Variants in HDAC9 observed in about 807,000 individuals in gnomAD.
The protein encoded by HDAC9 is histone deacetylase 9, also known as MEF-2 interacting transcription repressor (MITR) protein.
HDAC9 carries 41 observed loss-of-function variants against 139.4 expected under a neutral mutation model. The observed-to-expected ratio is 0.29, with a 90% CI of 0.23 to 0.38. The LOEUF is 0.38. Among genes scored for constraint, HDAC9 ranks in the 10% least tolerant of loss-of-function variants. HDAC9 has a pLI of 1.00. For synonymous variants in HDAC9, 517 were observed against 476.2 expected (o/e 1.09, Z -1.12); for missense variants, 1,147 against 1,297.0 (o/e 0.88, Z 1.78).
chr7:18,163,328 G>A (rs1489756939), intron 2 of HDAC9, among the ~76,000 whole-genome samples: 1 of 152,152 alleles, frequency 6.6e-6, no homozygotes, highest in Non-Finnish European at 1.5e-5. Flanking sequence ...TCACAACCAT[G>A]TTTGATAATT....
At chr7:18,163,759 A>G (rs543815807) in intron 2 of HDAC9, among the ~76,000 whole-genome samples, 11 of 152,334 alleles carry the variant, frequency 7.2e-5, no homozygotes, top group South Asian at 2.1e-4. Context: ...ATTGCATTTT[A>G]AATATTATGT....
At chr7:18,388,917 T>G (rs1179625417) in intron 1 of HDAC9, among the ~76,000 whole-genome samples, 1 of 152,216 alleles carries the variant, frequency 6.6e-6, no homozygotes, top group African/African-American at 2.4e-5. Context: ...CTCTCATTCC[T>G]TTTCATTTCT....
intron 2 of HDAC9, chr7:18,496,762 A>G (rs1046833469): frequency 2.6e-5 from 4 of 156,044 alleles, no homozygotes; most frequent in African/African-American, 9.6e-5. Context: ...ACAGAAGCAC[A>G]TCTATTTATA....
intron 2 of HDAC9, among the ~76,000 whole-genome samples, chr7:18,176,163 C>G (rs763653313): frequency 6.6e-6 from 1 of 152,094 alleles, no homozygotes; most frequent in African/African-American, 2.4e-5. Context: ...GTTTTGGACT[C>G]TCTAGGAATG....
chr7:18,400,763 A>G lies in HDAC9; in HGVS notation c.-41-95499A>G, dbSNP rs17139170. ...GGAACAAGAAAGTAGATGTACGATG[A>G]AAGCCATGAATCCTGAGGCCCAGAA... On this transcript the variant is annotated intron_variant, in intron 1 of 3. Transcript: ENST00000413509. Among the ~76,000 whole-genome samples, 257 of 152,330 alleles carry G rather than the reference A, an allele frequency of 1.7e-3. 2 individuals carry two copies. The highest frequency in any genetic ancestry group is 5.8e-3 in the African/African-American group (243 of 41,576).
intron 11 of HDAC9, among the ~76,000 whole-genome samples, chr7:18,649,705 C>T (rs1278960226): frequency 1.3e-5 from 2 of 152,248 alleles, no homozygotes; most frequent in East Asian, 1.9e-4. Context: ...GGATCTTCAT[C>T]ACTTGCTGGT....
chr7:18,202,265 C>A (rs550518416), intron 2 of HDAC9, among the ~76,000 whole-genome samples: 1 of 152,114 alleles, frequency 6.6e-6, no homozygotes, highest in African/African-American at 2.4e-5. Context: ...TTCACTATTT[C>A]ATTTTGTTCC....
intron 13 of HDAC9, among the ~76,000 whole-genome samples, chr7:18,740,083 G>A (rs184775625): frequency 1.0e-3 from 158 of 152,348 alleles, no homozygotes; most frequent in African/African-American, 3.2e-3. Context: ...AGCCAGGCAC[G>A]GAAGAGAATC....
chr7:18,698,316 G>A lies in HDAC9; in HGVS notation c.1732-29264G>A, dbSNP rs764511464. On this transcript the variant is annotated intron_variant, in intron 12 of 25. Coordinates refer to ENST00000686413, the MANE Select transcript of HDAC9 (RefSeq NM_178425.4). Reference sequence around the variant, plus strand: ...AAATTAAATTACGCCATTTTTATCCGTTTGAGATCAGTTCTGTTTCCTCCT... The same window carrying A: ...AAATTAAATTACGCCATTTTTATCCATTTGAGATCAGTTCTGTTTCCTCCT... Among the ~76,000 whole-genome samples the A allele has an allele frequency of 3.3e-5, 5 of 152,088 alleles. No homozygotes were observed. In the East Asian group the frequency reaches 5.8e-4, roughly 18 times the overall value.
chr7:18,601,000 TG>T (rs1211525212), intron 6 of HDAC9, among the ~76,000 whole-genome samples: 5 of 152,104 alleles, frequency 3.3e-5, no homozygotes, highest in African/African-American at 1.2e-4. Flanking sequence ...GATGGAGTTT[TG>T]CTATGTTGAC....
intron 23 of HDAC9, among the ~76,000 whole-genome samples, chr7:18,947,547 A>C (rs7807182): frequency 6.6e-6 from 1 of 151,880 alleles, no homozygotes; most frequent in African/African-American, 2.4e-5. Context: ...ACCTTGCAAG[A>C]CTGAATAAAA....
At chr7:18,502,100 C>T (rs1798547017) in intron 2 of HDAC9, among the ~76,000 whole-genome samples, 1 of 152,148 alleles carries the variant, frequency 6.6e-6, no homozygotes, top group Non-Finnish European at 1.5e-5. Flanking sequence ...CAGTTCCAAG[C>T]ATTATGTATG....
chr7:18,671,229 A>G (rs1176735413), intron 12 of HDAC9, among the ~76,000 whole-genome samples: 1 of 152,016 alleles, frequency 6.6e-6, no homozygotes, highest in Non-Finnish European at 1.5e-5. Flanking sequence ...GGAAGGGAAA[A>G]ATAGAGACAG....
intron 22 of HDAC9, among the ~76,000 whole-genome samples, chr7:18,934,001 G>A (rs1469890125): frequency 2.6e-5 from 4 of 151,948 alleles, no homozygotes; most frequent in African/African-American, 9.7e-5. Flanking sequence ...AAATATGAAA[G>A]AGAACTTAGA....
intron 6 of HDAC9, among the ~76,000 whole-genome samples, chr7:18,600,292 T>C (rs1369167538): frequency 2.0e-5 from 3 of 152,204 alleles, no homozygotes; most frequent in African/African-American, 7.2e-5. Context: ...GAACAGAAGA[T>C]TCTAATTTTA....
intron 12 of HDAC9, among the ~76,000 whole-genome samples, chr7:18,707,682 G>A (rs983021066): frequency 6.6e-6 from 1 of 152,094 alleles, no homozygotes; most frequent in African/African-American, 2.4e-5. Context: ...CATGCATGGT[G>A]GATATGGGCA....
chr7:18,732,528 G>A (rs1786171762), intron 13 of HDAC9, among the ~76,000 whole-genome samples: 1 of 87,902 alleles, frequency 1.1e-5, no homozygotes, highest in Non-Finnish European at 2.2e-5. Flanking sequence ...CTGTATGTAT[G>A]TGTATATATG....
intron 6 of HDAC9, among the ~76,000 whole-genome samples, chr7:18,623,110 C>T (rs1005506226): frequency 2.0e-5 from 3 of 150,880 alleles, no homozygotes; most frequent in East Asian, 2.0e-4. Flanking sequence ...TCCCACTGCA[C>T]TCCAGCCTGG....
At chr7:18,897,334 C>T (rs760909290) in intron 22 of HDAC9, among the ~76,000 whole-genome samples, 27 of 151,888 alleles carry the variant, frequency 1.8e-4, no homozygotes, top group East Asian at 3.9e-4. Flanking sequence ...GAATAATTCT[C>T]GAAAATCTAA....
Sources: gnomAD v4.1 joint callset for allele counts (sites outside exome capture counted in the v4.1 genomes callset) on GRCh38, gnomAD v4.1.1 for gene constraint, MANE v1.5 for transcripts, NCBI Gene and HGNC (gene_info 2026-07-23, HGNC 2026-07-21) for gene names.